Variants in SYBU observed in about 807,000 individuals in gnomAD.
SYBU encodes the protein syntabulin.
SYBU carries 21 observed loss-of-function variants against 35.9 expected under a neutral mutation model. The ratio of observed to expected loss-of-function variants is 0.58; its 90% CI spans 0.41 to 0.84. The LOEUF is 0.84. Among genes scored for constraint, SYBU ranks in the 40% least tolerant of loss-of-function variants. SYBU has a pLI of 0.00. For synonymous variants in SYBU, 319 were observed against 324.3 expected, an observed-to-expected ratio of 0.98 and a Z score of 0.18; for missense variants, 768 against 848.2, an observed-to-expected ratio of 0.91 and a Z score of 1.17.
At chr8:109,634,657 G>C (rs888346344) in intron 2 of SYBU, among the ~76,000 whole-genome samples, 5 of 152,150 alleles carry the variant, frequency 3.3e-5, no homozygotes, top group African/African-American at 1.2e-4. Context: ...TTAAAACTAG[G>C]CTAGGCATGG....
At chr8:109,683,436 T>G (rs1445223216), upstream of SYBU, among the ~76,000 whole-genome samples, 3 of 152,246 alleles carry the variant, frequency 2.0e-5, no homozygotes, top group Non-Finnish European at 4.4e-5. Flanking sequence ...GTAACCCCTT[T>G]GTTTTGGCCA....
intron 3 of SYBU, among the ~76,000 whole-genome samples, chr8:109,602,288 AAAC>A (rs1825620797): frequency 6.6e-6 from 1 of 152,186 alleles, no homozygotes; most frequent in Non-Finnish European, 1.5e-5. Flanking sequence ...TTGGAAAAGC[AAAC>A]AAAATGGGAA....
At chr8:109,609,471 G>C (rs958713664) in intron 3 of SYBU, among the ~76,000 whole-genome samples, 1 of 152,036 alleles carries the variant, frequency 6.6e-6, no homozygotes, top group Admixed American at 6.6e-5. Context: ...ATTCCTTTTT[G>C]CTCTCTCAAT....
upstream of SYBU, among the ~76,000 whole-genome samples, chr8:109,683,773 G>T (rs1817458138): frequency 6.6e-6 from 1 of 152,170 alleles, no homozygotes; most frequent in Non-Finnish European, 1.5e-5. Flanking sequence ...TGTCATGGGA[G>T]TTACCTGGTG....
Position 109,619,034 on chromosome 8 carries a change from T to C in SYBU, c.235A>G (p.Thr79Ala). The C allele has an allele frequency of 6.2e-7, 1 of 1,613,548 alleles. No individual in the cohort carries two copies. Among genetic ancestry groups the C allele is most frequent in the Non-Finnish European group, 8.5e-7 (1 of 1,179,580 alleles). ...VSSNSFCSDD[T>A]GCPSSQSVSP... The stretch of plus-strand genomic sequence containing the variant: ...ACTGACTGGCTGCTAGGACAGCCTG[T>C]GTCATCTAGAAGACAGGAATCAATA... Residue 79 changes from threonine (T) to alanine (A), a missense_variant, in exon 3 of 7, where the codon ACA (threonine) becomes GCA (alanine). Coordinates refer to ENST00000276646, the MANE Select transcript of SYBU (RefSeq NM_001099754.2).
intron 3 of SYBU, among the ~76,000 whole-genome samples, chr8:109,615,365 T>G (rs1034823914): frequency 6.6e-6 from 1 of 152,158 alleles, no homozygotes; most frequent in African/African-American, 2.4e-5. Context: ...AGTATCCTCT[T>G]GTGTTTTAAC....
At chr8:109,657,501 G>A (rs74574113) in intron 1 of SYBU, among the ~76,000 whole-genome samples, 101 of 152,206 alleles carry the variant, frequency 6.6e-4, no homozygotes, top group Non-Finnish European at 1.3e-3. Context: ...TCTGGCATTG[G>A]GCCTTCCATA....
At chr8:109,605,738 C>G (rs1028090775) in intron 3 of SYBU, among the ~76,000 whole-genome samples, 6 of 152,086 alleles carry the variant, frequency 3.9e-5, no homozygotes, top group Admixed American at 3.9e-4. Flanking sequence ...AGGAAAAATC[C>G]CAGCATGGGG....
At chr8:109,656,485 T>C (rs140802523) in intron 1 of SYBU, among the ~76,000 whole-genome samples, 2 of 152,338 alleles carry the variant, frequency 1.3e-5, no homozygotes, top group East Asian at 3.9e-4. Context: ...CTTTTAATTA[T>C]GTAATGTGTA....
At chr8:109,576,097 G>A in intron 6 of SYBU, 84 bp from the exon 7 acceptor site, 1 of 1,418,106 alleles carries the variant, frequency 7.1e-7, no homozygotes, top group South Asian at 1.5e-5. Context: ...AGGCAGTTCA[G>A]GCAGTTCTGG....
intron 2 of SYBU, among the ~76,000 whole-genome samples, chr8:109,621,922 G>A (rs1003357446): frequency 1.3e-5 from 2 of 152,092 alleles, no homozygotes; most frequent in African/African-American, 4.8e-5. Flanking sequence ...CATGTGCTAG[G>A]GAGTAACCTG....
intron 6 of SYBU, 23 bp downstream of exon 6, chr8:109,577,845 C>T: frequency 6.3e-7 from 1 of 1,597,952 alleles, no homozygotes; most frequent in Non-Finnish European, 8.5e-7. Flanking sequence ...CTACACCCCA[C>T]CGTTCAAGGA....
At chr8:109,668,040 C>CA (rs1311609229) in intron 1 of SYBU, among the ~76,000 whole-genome samples, 4 of 148,100 alleles carry the variant, frequency 2.7e-5, no homozygotes, top group Non-Finnish European at 5.9e-5. Flanking sequence ...GACTTTTTGG[C>CA]AAAAAAGTAG....
chr8:109,647,134 A>G (rs1378276614), upstream of SYBU: 1 of 152,176 alleles, frequency 6.6e-6, no homozygotes, highest in African/African-American at 2.4e-5. Flanking sequence ...TTAATGTGGC[A>G]CACAAGGCTT....
chr8:109,649,616 G>A (rs1816032610), upstream of SYBU, among the ~76,000 whole-genome samples: 1 of 152,108 alleles, frequency 6.6e-6, no homozygotes, highest in South Asian at 2.1e-4. Flanking sequence ...GGATGGTAAG[G>A]GTCTAATCCT....
chr8:109,641,708 G>GTA (rs1252457386), intron 2 of SYBU, among the ~76,000 whole-genome samples: 1 of 152,344 alleles, frequency 6.6e-6, no homozygotes, highest in African/African-American at 2.4e-5. Flanking sequence ...GAAGTTGCTA[G>GTA]TATAAAATTC....
At chr8:109,597,247 C>A (rs902888103) in intron 3 of SYBU, among the ~76,000 whole-genome samples, 1 of 152,144 alleles carries the variant, frequency 6.6e-6, no homozygotes, top group Admixed American at 6.5e-5. Flanking sequence ...ACCTCTTGTC[C>A]CAAAGTGGGG....
chr8:109,626,757 A>G (rs150487466), intron 2 of SYBU, among the ~76,000 whole-genome samples: 3,557 of 152,266 alleles, frequency 0.023, 51 homozygotes, highest in Middle Eastern at 0.058. Flanking sequence ...AAAAACTACA[A>G]AAATTAGCTG....
chr8:109,620,854 C>A (rs1812328947), intron 2 of SYBU, among the ~76,000 whole-genome samples: 1 of 152,102 alleles, frequency 6.6e-6, no homozygotes, highest in Non-Finnish European at 1.5e-5. Context: ...ATTTGAGCTC[C>A]TTTTTAAAGG....
Sources: allele counts gnomAD v4.1 joint callset (sites outside exome capture counted in the v4.1 genomes callset), GRCh38; gene constraint gnomAD v4.1.1; transcripts MANE v1.5; gene names NCBI Gene and HGNC (gene_info 2026-07-23, HGNC 2026-07-21).